SEMA3C: variants seen among roughly 807,000 people sequenced by gnomAD.
The protein encoded by SEMA3C is semaphorin 3C.
Under a neutral mutation model 89.4 loss-of-function variants are expected in SEMA3C, and 47 were observed. That is an observed-to-expected ratio of 0.53 (90% CI 0.42 to 0.67). The LOEUF (loss-of-function observed/expected upper bound fraction) is 0.67. Ranked by LOEUF, SEMA3C falls within the 30% of genes least tolerant of loss-of-function variation. The pLI is 0.00. For synonymous variants in SEMA3C, 310 were observed against 320.2 expected, an observed-to-expected ratio of 0.97 and a Z score of 0.34; for missense variants, 839 against 929.1, an observed-to-expected ratio of 0.90 and a Z score of 1.26.
intron 5 of SEMA3C, among the ~76,000 whole-genome samples, chr7:80,811,951 C>T (rs982145324): frequency 3.3e-5 from 5 of 152,126 alleles, no homozygotes; most frequent in African/African-American, 1.2e-4. Context: ...ACTTGTTGTC[C>T]TTTTCACATT....
At chr7:80,902,404 GT>G (rs1406583262) in intron 2 of SEMA3C, among the ~76,000 whole-genome samples, 1 of 152,098 alleles carries the variant, frequency 6.6e-6, no homozygotes, top group Non-Finnish European at 1.5e-5. Flanking sequence ...CAGTTACACA[GT>G]TTTTTCCCTA....
At chr7:80,860,208 A>G (rs1267784281) in intron 2 of SEMA3C, among the ~76,000 whole-genome samples, 2 of 152,168 alleles carry the variant, frequency 1.3e-5, no homozygotes, top group Non-Finnish European at 2.9e-5. Context: ...AAAGTAAACT[A>G]TACCTATGAC....
At chr7:80,759,996 AT>A (rs1239757316) in intron 14 of SEMA3C, among the ~76,000 whole-genome samples, 2 of 152,208 alleles carry the variant, frequency 1.3e-5, no homozygotes, top group Non-Finnish European at 2.9e-5. Context: ...TAAGCGTACT[AT>A]TTTCTGTTAC....
intron 2 of SEMA3C, among the ~76,000 whole-genome samples, chr7:80,860,126 G>GT (rs1157286971): frequency 2.0e-5 from 3 of 151,876 alleles, no homozygotes; most frequent in Non-Finnish European, 2.9e-5. Flanking sequence ...ATAGACTAGT[G>GT]TTTTTATCCT....
At chr7:80,757,752 C>G (rs1201669428) in intron 15 of SEMA3C, among the ~76,000 whole-genome samples, 1 of 152,010 alleles carries the variant, frequency 6.6e-6, no homozygotes, top group Admixed American at 6.5e-5. Flanking sequence ...AGGTGGATCA[C>G]GAGGTCAGGA....
intron 2 of SEMA3C, among the ~76,000 whole-genome samples, chr7:80,857,125 A>C (rs182414117): frequency 6.6e-6 from 1 of 152,200 alleles, no homozygotes; most frequent in African/African-American, 2.4e-5. Flanking sequence ...CATGACCTCC[A>C]CCTTTGCCTT....
At chr7:80,790,170 A>C (rs1357719595) in intron 11 of SEMA3C, among the ~76,000 whole-genome samples, 2 of 151,850 alleles carry the variant, frequency 1.3e-5, no homozygotes, top group Non-Finnish European at 2.9e-5. Context: ...TGCGATCCCA[A>C]CTCCTTGGGA....
intron 2 of SEMA3C, among the ~76,000 whole-genome samples, chr7:80,843,109 T>C (rs374486417): frequency 2.0e-5 from 3 of 152,088 alleles, no homozygotes; most frequent in East Asian, 1.9e-4. Flanking sequence ...TAGAGTTAGA[T>C]AGAAGTAATA....
At chr7:80,890,386 T>C (rs1011944074) in intron 2 of SEMA3C, among the ~76,000 whole-genome samples, 9 of 152,222 alleles carry the variant, frequency 5.9e-5, no homozygotes, top group African/African-American at 1.7e-4. Context: ...AAGACTAATG[T>C]CTAAGTTAAA....
In SEMA3C at chr7:80,786,724, T is replaced by C. The variant is rs185546966; in HGVS notation, c.1354+2582A>G. ...TGAATTCATATTACACGAGTAACAA[T>C]GGACATAGTTATGATTTTCAATTTA... On this transcript the variant is annotated intron_variant, in intron 12 of 17. Transcript: ENST00000265361. 3.3e-5 allele frequency among the ~76,000 whole-genome samples: 5 copies of C among 152,298 alleles called. No homozygotes were observed. In the South Asian group the frequency reaches 1.0e-3, roughly 32 times the overall value.
chr7:80,827,878 A>C (rs1789913511), intron 3 of SEMA3C, among the ~76,000 whole-genome samples: 1 of 152,122 alleles, frequency 6.6e-6, no homozygotes, highest in Admixed American at 6.6e-5. Context: ...TTTTTGGTAA[A>C]TCACACAACC....
intron 2 of SEMA3C, among the ~76,000 whole-genome samples, chr7:80,896,097 A>G (rs1791730721): frequency 6.6e-6 from 1 of 152,126 alleles, no homozygotes. Flanking sequence ...GCATGATATT[A>G]ATATCTAATA....
At chr7:80,834,441 A>G (rs767889729) in intron 2 of SEMA3C, among the ~76,000 whole-genome samples, 4 of 152,176 alleles carry the variant, frequency 2.6e-5, no homozygotes, top group Non-Finnish European at 5.9e-5. Flanking sequence ...AAGCCCTGCC[A>G]ACAGAAGCTT....
At chr7:80,857,588 T>A (rs1176316895) in intron 2 of SEMA3C, among the ~76,000 whole-genome samples, 1 of 152,144 alleles carries the variant, frequency 6.6e-6, no homozygotes, top group African/African-American at 2.4e-5. Context: ...CAAAGGGGTC[T>A]CTCCCCATTC....
chr7:80,917,276 G>A (rs1792300960), intron 1 of SEMA3C, among the ~76,000 whole-genome samples: 1 of 152,156 alleles, frequency 6.6e-6, no homozygotes. Flanking sequence ...CACTTCAATA[G>A]TCATTAGCTC....
chr7:80,791,367 C>T (rs1193556847), intron 11 of SEMA3C, among the ~76,000 whole-genome samples: 1 of 152,094 alleles, frequency 6.6e-6, no homozygotes, highest in African/African-American at 2.4e-5. Flanking sequence ...TTATTAAATA[C>T]CTGTCAATAT....
At chr7:80,837,418 T>C (rs1790159485) in intron 2 of SEMA3C, among the ~76,000 whole-genome samples, 1 of 152,158 alleles carries the variant, frequency 6.6e-6, no homozygotes, top group Admixed American at 6.5e-5. Flanking sequence ...GAAAGCGAGA[T>C]ATTTTGTGGC....
intron 6 of SEMA3C, among the ~76,000 whole-genome samples, 164 bp downstream of exon 6, chr7:80,810,447 T>C (rs527559148): frequency 6.6e-6 from 1 of 152,276 alleles, no homozygotes; most frequent in Admixed American, 6.5e-5. Flanking sequence ...TAAATATTCT[T>C]ACAAATGAGA....
intron 2 of SEMA3C, among the ~76,000 whole-genome samples, chr7:80,891,044 TTC>T (rs1322440828): frequency 2.6e-5 from 4 of 152,304 alleles, no homozygotes; most frequent in Non-Finnish European, 4.4e-5. Context: ...CTCTGTACTT[TTC>T]TCTGTTTCAC....
Sources: allele counts gnomAD v4.1 joint callset (sites outside exome capture counted in the v4.1 genomes callset), GRCh38; gene constraint gnomAD v4.1.1; transcripts MANE v1.5; gene names NCBI Gene and HGNC (gene_info 2026-07-23, HGNC 2026-07-21).